NSRP1: variants seen among roughly 807,000 people sequenced by gnomAD.
NSRP1 encodes coiled-coil domain containing 55.
Under a neutral mutation model 54.7 loss-of-function variants are expected in NSRP1, and 24 were observed. That is an observed-to-expected ratio of 0.44 (90% CI 0.32 to 0.62). The LOEUF (loss-of-function observed/expected upper bound fraction) is 0.62, where lower values mean the gene tolerates loss of function less well. NSRP1 is among the 20% of genes least tolerant of loss of function. NSRP1 has a pLI of 0.06. For synonymous variants in NSRP1, 210 were observed against 213.8 expected (o/e 0.98, Z 0.15); for missense variants, 596 against 651.2 (o/e 0.92, Z 0.92).
intron 2 of NSRP1, among the ~76,000 whole-genome samples, chr17:30,134,953 T>G (rs545000064): frequency 8.5e-5 from 13 of 152,120 alleles, no homozygotes; most frequent in Non-Finnish European, 1.8e-4. Context: ...TTGAGGAGAT[T>G]AGGCTATATT....
intron 2 of NSRP1, among the ~76,000 whole-genome samples, chr17:30,119,411 C>T (rs2071576930): frequency 6.6e-6 from 1 of 152,126 alleles, no homozygotes; most frequent in Non-Finnish European, 1.5e-5. Flanking sequence ...CGGGGTTTCA[C>T]CATGTTGGCC....
intron 2 of NSRP1, among the ~76,000 whole-genome samples, chr17:30,134,148 A>AG (rs2071727509): frequency 6.6e-6 from 1 of 152,182 alleles, no homozygotes; most frequent in African/African-American, 2.4e-5. Flanking sequence ...GGGAGAGAGG[A>AG]GAGAGGAAAA....
chr17:30,131,371 T>G (rs1218813824), intron 2 of NSRP1, among the ~76,000 whole-genome samples: 3 of 151,852 alleles, frequency 2.0e-5, no homozygotes, highest in African/African-American at 2.4e-5. Flanking sequence ...GAGATGGAAA[T>G]GATAGTTCAA....
rs1426369177 is a variant in NSRP1 at position 30,178,280 on chromosome 17, CTG to C, written c.300+82_300+83del. 297 of 1,491,358 alleles carry C rather than the reference CTG, an allele frequency of 2.0e-4. 1 individual carries two copies. In the Admixed American group the frequency reaches 2.3e-3, roughly 12 times the overall value. The allele number at this position is 1,491,358 out of a possible 1,614,324, so 92.4% of individuals were successfully genotyped here. On this transcript the variant is annotated intron_variant, in intron 4 of 6. Transcript: ENST00000247026. ...AATCTTATTTTAACATGAGAATGAT[CTG>C]AGAAAAAGCTTTTAGGTATGTGAGG... is the stretch of plus-strand genomic sequence containing the variant.
chr17:30,121,819 C>T lies in NSRP1; in HGVS notation c.114+3646C>T, dbSNP rs61515517. ...CCCTGACCTTGTGATCCACCTCGCC[C>T]GGCCTCCCAAAGTGCTGGGATTACA... is the stretch of plus-strand genomic sequence containing the variant. On this transcript the variant is annotated intron_variant, in intron 2 of 6. Transcript: ENST00000247026. Among the ~76,000 whole-genome samples, 770 of 152,212 alleles carry T rather than the reference C, an allele frequency of 5.1e-3. 36 individuals are homozygous for T. In the East Asian group the frequency reaches 0.13, roughly 25 times the overall value.
In NSRP1 at chr17:30,185,281, T is replaced by C. The variant is rs775286616; in HGVS notation, c.1284T>C (p.Tyr428=). The change falls in exon 7 of 7, where the codon TAT becomes TAC. Residue 428 remains tyrosine (Y), a synonymous_variant. Coordinates refer to ENST00000247026, the MANE Select transcript of NSRP1 (RefSeq NM_032141.4). The part of the protein sequence containing the change: ...EEHMKVRKER[Y]ENNDKYRDRE... ...ATATGAAAGTAAGGAAGGAAAGATATGAAAATAATGATAAATACAGAGATA... is the reference window on the plus strand; with the variant it reads ...ATATGAAAGTAAGGAAGGAAAGATACGAAAATAATGATAAATACAGAGATA... 1.1e-5 allele frequency: 17 copies of C among 1,602,350 alleles called. No individual in the cohort carries two copies. The highest frequency in any genetic ancestry group is 2.7e-5 in the African/African-American group (2 of 73,666).
At position 30,179,097 on chromosome 17, in the gene NSRP1, A is replaced by T. The variant is rs772260035; in HGVS notation, c.308A>T (p.Tyr103Phe). The T allele has an allele frequency of 1.3e-6, 2 of 1,561,576 alleles. No individual in the cohort carries two copies. Among genetic ancestry groups the T allele is most frequent in the African/African-American group, 1.4e-5 (1 of 73,386 alleles). ...LLLGKDRKPK[Y>F]IHNLLKAVEI... ...TCTTTTTTATTTCCTTAGCCCAAGT[A>T]TATTCACAACTTGCTAAAAGCAGTT... The change falls in exon 5 of 7, where the codon TAT becomes TTT. Residue 103 changes from tyrosine (Y) to phenylalanine (F), a missense_variant. Coordinates refer to ENST00000247026, the MANE Select transcript of NSRP1 (RefSeq NM_032141.4).
intron 3 of NSRP1, among the ~76,000 whole-genome samples, chr17:30,172,967 A>ATT (rs879921029): frequency 6.9e-6 from 1 of 145,596 alleles, no homozygotes. Context: ...AGATATATAG[A>ATT]TTTTTTTTTT....
chr17:30,132,146 G>T (rs943185270), intron 2 of NSRP1, among the ~76,000 whole-genome samples: 1 of 149,336 alleles, frequency 6.7e-6, no homozygotes, highest in East Asian at 2.0e-4. Flanking sequence ...TACTCCGGAG[G>T]CTGAGGCAGG....
intron 2 of NSRP1, among the ~76,000 whole-genome samples, chr17:30,166,756 C>G (rs1398206420): frequency 6.6e-6 from 1 of 152,066 alleles, no homozygotes; most frequent in Non-Finnish European, 1.5e-5. Flanking sequence ...AACCCCATCT[C>G]TACTAAAAAT....
In NSRP1 at chr17:30,116,836, G is replaced by A. The variant is rs2071536631; in HGVS notation, c.-8G>A. 2 of 1,574,052 alleles carry A rather than the reference G, an allele frequency of 1.3e-6. No homozygotes were observed. The highest frequency in any genetic ancestry group is 1.7e-6 in the Non-Finnish European group (2 of 1,159,364). ...GCGTCGGCCACGTTCAGCGGACACG[G>A]GAGCAAGATGGCGATTCCGGGCAGG... On this transcript the variant is annotated 5_prime_UTR_variant, in exon 1 of 7. Transcript: ENST00000247026.
intron 2 of NSRP1, among the ~76,000 whole-genome samples, chr17:30,158,006 A>G (rs566280563): frequency 3.3e-5 from 5 of 152,308 alleles, no homozygotes; most frequent in Admixed American, 2.0e-4. Flanking sequence ...TAGATACCCA[A>G]TAGTGAGATT....
intron 2 of NSRP1, among the ~76,000 whole-genome samples, chr17:30,166,146 G>GA (rs1904724740): frequency 6.6e-6 from 1 of 152,108 alleles, no homozygotes; most frequent in Non-Finnish European, 1.5e-5. Flanking sequence ...TATAGAGGAG[G>GA]AAACTGAAAC....
intron 2 of NSRP1, among the ~76,000 whole-genome samples, chr17:30,153,923 C>T (rs2071936926): frequency 6.6e-6 from 1 of 152,184 alleles, no homozygotes; most frequent in Non-Finnish European, 1.5e-5. Context: ...TTGGACAACA[C>T]AGGTAAAAGA....
chr17:30,135,614 C>T (rs1397656084), intron 2 of NSRP1, among the ~76,000 whole-genome samples: 1 of 151,980 alleles, frequency 6.6e-6, no homozygotes, highest in Non-Finnish European at 1.5e-5. Context: ...GCTGGGACTA[C>T]AGGCGCCCGC....
Position 30,172,014 on chromosome 17 carries a change from T to TCTCTCTCTCTCTCTCACA in NSRP1, c.115-527_115-526insTCTCTCTCTCTCTCACAC, listed in dbSNP as rs144705088. Among the ~76,000 whole-genome samples, 519 of 131,128 alleles carry TCTCTCTCTCTCTCTCACA rather than the reference T, an allele frequency of 4.0e-3. 8 individuals carry two copies. The highest frequency in any genetic ancestry group is 6.8e-3 in the Non-Finnish European group (424 of 62,368). The allele number at this position is 131,128 out of a possible 152,430, so 86.0% of individuals were successfully genotyped here. On this transcript the variant is annotated intron_variant, in intron 2 of 6. Transcript: ENST00000247026. ...CTCTCTCTCTCTCTCTCTCTCTCTCTCACATGTTCACATGAAGCAAATTGA... is the reference window on the plus strand; with the variant it reads ...CTCTCTCTCTCTCTCTCTCTCTCTCTCTCTCTCTCTCTCTCACACACATGTTCACATGAAGCAAATTGA...
At position 30,185,756 on chromosome 17, in the gene NSRP1, T is replaced by G. The variant is rs1905514252; in HGVS notation, c.*82T>G. The stretch of plus-strand genomic sequence containing the variant: ...TGCTGCGTAAAACCATAAAGGAGTG[T>G]GTTACCAGTAGTTTGGAGGGCATTT... On this transcript the variant is annotated 3_prime_UTR_variant, in exon 7 of 7. Coordinates refer to ENST00000247026, the MANE Select transcript of NSRP1 (RefSeq NM_032141.4). The G allele has an allele frequency of 7.1e-7, 1 of 1,402,936 alleles. No individual in the cohort carries two copies. The allele number at this position is 1,402,936 out of a possible 1,614,324, so 86.9% of individuals were successfully genotyped here.
chr17:30,174,214 C>T (rs1432048802), intron 3 of NSRP1, among the ~76,000 whole-genome samples: 1 of 152,052 alleles, frequency 6.6e-6, no homozygotes, highest in Non-Finnish European at 1.5e-5. Context: ...TTAACTCTGT[C>T]TTGTTCAAGC....
chr17:30,182,379 C>CA (rs1461061696), intron 6 of NSRP1, among the ~76,000 whole-genome samples: 5 of 152,200 alleles, frequency 3.3e-5, no homozygotes, highest in African/African-American at 1.2e-4. Flanking sequence ...CGCAGTGACT[C>CA]ACGCCTGTTA....
Sources: gnomAD v4.1 joint callset for allele counts (sites outside exome capture counted in the v4.1 genomes callset) on GRCh38, gnomAD v4.1.1 for gene constraint, MANE v1.5 for transcripts, NCBI Gene and HGNC (gene_info 2026-07-23, HGNC 2026-07-21) for gene names.